The following M1AP variants were observed in gnomAD, a reference collection of about 807,000 sequenced individuals.
M1AP encodes meiosis 1 associated protein.
In M1AP, 39 loss-of-function variants were observed where a neutral mutation model predicts 51.2. That is an observed-to-expected ratio of 0.76 (90% confidence interval 0.59 to 1.00). The LOEUF (loss-of-function observed/expected upper bound fraction) is 1.00, where lower values mean the gene tolerates loss of function less well. M1AP is among the 50% of genes least tolerant of loss of function. M1AP has a pLI of 0.00. For synonymous variants in M1AP, 251 were observed against 249.2 expected (o/e 1.01, Z -0.07); for missense variants, 545 against 641.2 (o/e 0.85, Z 1.62).
At position 74,558,600 on chromosome 2, in the gene M1AP, G is replaced by T; in HGVS notation, c.*116C>A. 8.1e-7 allele frequency: 1 copy of T among 1,236,312 alleles called. No individual in the cohort carries two copies. The highest frequency in any genetic ancestry group is 1.1e-6 in the Non-Finnish European group (1 of 875,112). The allele number at this position is 1,236,312 out of a possible 1,614,324, so 76.6% of individuals were successfully genotyped here. ...CAGGAAGGCTGTTGTTTCCCAGTCA[G>T]CCCTCACTCACAGAGGCTCAGGCGG... On this transcript the variant is annotated 3_prime_UTR_variant, in exon 11 of 11. Coordinates refer to ENST00000421985, the MANE Select transcript of M1AP (RefSeq NM_001321739.2).
intron 4 of M1AP, among the ~76,000 whole-genome samples, chr2:74,595,150 G>A (rs990288175): frequency 6.6e-6 from 1 of 151,996 alleles, no homozygotes; most frequent in Admixed American, 6.6e-5. Flanking sequence ...CAAGTAGCTG[G>A]GACTACAGGT....
At chr2:74,648,035 C>T in intron 1 of M1AP, 1 of 985,552 alleles carries the variant, frequency 1.0e-6, no homozygotes, top group Non-Finnish European at 1.2e-6. Flanking sequence ...AAGCTCCGGG[C>T]CCAGACTCCG....
chr2:74,571,828 C>T (rs527722984), intron 7 of M1AP, among the ~76,000 whole-genome samples: 1 of 152,130 alleles, frequency 6.6e-6, no homozygotes, highest in South Asian at 2.1e-4. Context: ...GAAACCCCGT[C>T]TCTACTAAAA....
chr2:74,602,944 A>G (rs1680755608), intron 4 of M1AP, among the ~76,000 whole-genome samples: 1 of 152,254 alleles, frequency 6.6e-6, no homozygotes, highest in South Asian at 2.1e-4. Flanking sequence ...TCTAAGCTCT[A>G]TGCAATTAGA....
intron 9 of M1AP, 78 bp downstream of exon 9, chr2:74,560,073 A>G: frequency 6.7e-7 from 1 of 1,488,920 alleles, no homozygotes; most frequent in Non-Finnish European, 9.1e-7. Flanking sequence ...GGGATGGGGG[A>G]GGAGGGTTTT....
intron 3 of M1AP, among the ~76,000 whole-genome samples, chr2:74,613,165 A>G (rs1681468128): frequency 6.6e-6 from 1 of 152,072 alleles, no homozygotes; most frequent in Non-Finnish European, 1.5e-5. Flanking sequence ...TTCTGCTTAC[A>G]TTGCCCATAT....
intron 4 of M1AP, among the ~76,000 whole-genome samples, chr2:74,582,232 C>G (rs1011003756): frequency 8.5e-5 from 13 of 152,336 alleles, no homozygotes; most frequent in Non-Finnish European, 1.9e-4. Flanking sequence ...AGGCACTTGT[C>G]ACTGGCCCAG....
At chr2:74,611,896 T>G (rs1247791475) in intron 3 of M1AP, among the ~76,000 whole-genome samples, 3 of 83,030 alleles carry the variant, frequency 3.6e-5, no homozygotes, top group African/African-American at 9.0e-5. Context: ...TTTTTTTTTT[T>G]TTTTTTTTTT....
At chr2:74,588,570 G>C (rs749391662) in intron 4 of M1AP, among the ~76,000 whole-genome samples, 1 of 152,238 alleles carries the variant, frequency 6.6e-6, no homozygotes, top group Admixed American at 6.5e-5. Context: ...AGTCAAGCTT[G>C]TCTTTCTAAG....
chr2:74,615,642 T>C (rs1287155150), intron 2 of M1AP: 1 of 155,662 alleles, frequency 6.4e-6, no homozygotes, highest in Non-Finnish European at 1.4e-5. Context: ...TTAGGATAAC[T>C]TCAGTAAAGA....
intron 5 of M1AP, among the ~76,000 whole-genome samples, chr2:74,579,904 T>C (rs1033154029): frequency 1.3e-5 from 2 of 152,176 alleles, no homozygotes; most frequent in African/African-American, 4.8e-5. Context: ...AACTCCTGGG[T>C]GCAAGTGATC....
At position 74,648,080 on chromosome 2, in the gene M1AP, G is replaced by A. The variant is rs573786276; in HGVS notation, c.-53+185C>T. The A allele has an allele frequency of 5.7e-5, 56 of 985,470 alleles. No individual in the cohort carries two copies. The Admixed American group carries it at 3.4e-3, about 60-fold the overall frequency. The allele number at this position is 985,470 out of a possible 1,614,324, so 61.0% of individuals were successfully genotyped here. A position where few individuals can be genotyped will look rare whatever the true frequency, so the allele number is the denominator to read the frequency against. ...GGCCGCCCAGAACAGTATGCGGAGG[G>A]ATGACTCCGACAGCGATTTCGGAGC... On this transcript the variant is annotated intron_variant, in intron 1 of 10. Transcript: ENST00000421985.
At chr2:74,625,691 G>A (rs201786345) in intron 2 of M1AP, among the ~76,000 whole-genome samples, 1 of 152,180 alleles carries the variant, frequency 6.6e-6, no homozygotes, top group Non-Finnish European at 1.5e-5. Context: ...CAGCTGTGGG[G>A]TATAGGGACA....
At chr2:74,612,608 G>C (rs1274204699) in intron 3 of M1AP, among the ~76,000 whole-genome samples, 3 of 151,978 alleles carry the variant, frequency 2.0e-5, no homozygotes, top group Admixed American at 6.6e-5. Context: ...GCAATGCTAG[G>C]TTGTTTATTT....
At chr2:74,559,232 C>T (rs2104487271) in intron 10 of M1AP, among the ~76,000 whole-genome samples, 1 of 151,870 alleles carries the variant, frequency 6.6e-6, no homozygotes, top group East Asian at 1.9e-4. Flanking sequence ...AATCTTGGCT[C>T]ACTGCAGCCT....
chr2:74,614,187 T>G (rs967465614), intron 3 of M1AP, among the ~76,000 whole-genome samples: 1 of 152,232 alleles, frequency 6.6e-6, no homozygotes, highest in African/African-American at 2.4e-5. Flanking sequence ...TGTTCCAGTA[T>G]GTTGTGATTC....
At position 74,575,457 on chromosome 2, in the gene M1AP, G is replaced by A; in HGVS notation, c.1055C>T (p.Ala352Val). The change falls in exon 7 of 11, where the codon GCT becomes GTT. Residue 352 changes from alanine to valine, a missense_variant. By Grantham distance (64) the Ala-to-Val change is moderately conservative (BLOSUM62 0). Coordinates refer to ENST00000421985, the MANE Select transcript of M1AP (RefSeq NM_001321739.2). ...ACTCACCAGCAGGCTGTGACACAAA[G>A]CATGGAAATGTTGCTGATTTGTCTC... The part of the protein sequence containing the change: ...ELETNQQHFH[A>V]LCHSLLKREW... 1 of 1,614,138 alleles carries A rather than the reference G, an allele frequency of 6.2e-7. No homozygotes were observed. The highest frequency in any genetic ancestry group is 8.5e-7 in the Non-Finnish European group (1 of 1,180,020).
chr2:74,590,954 TTCTC>T (rs1680005953), intron 4 of M1AP, among the ~76,000 whole-genome samples: 1 of 152,192 alleles, frequency 6.6e-6, no homozygotes, highest in Non-Finnish European at 1.5e-5. Flanking sequence ...GGTGCTTACT[TTCTC>T]TGTGACCTTA....
chr2:74,622,617 T>G (rs1004743424), intron 2 of M1AP, among the ~76,000 whole-genome samples: 2 of 150,608 alleles, frequency 1.3e-5, no homozygotes, highest in African/African-American at 4.9e-5. Context: ...TGGCTCACAT[T>G]ACATATCTAG....
Sources: allele counts gnomAD v4.1 joint callset (sites outside exome capture counted in the v4.1 genomes callset), GRCh38; gene constraint gnomAD v4.1.1; transcripts MANE v1.5; gene names NCBI Gene and HGNC (gene_info 2026-07-23, HGNC 2026-07-21).